The following CALCB variants were observed in gnomAD, a reference collection of about 807,000 sequenced individuals.
The protein encoded by CALCB is calcitonin related polypeptide beta.
A neutral mutation model predicts 10.7 loss-of-function variants in CALCB; 8 were observed. That is an observed-to-expected ratio of 0.75 (90% CI 0.44 to 1.34). The LOEUF (loss-of-function observed/expected upper bound fraction) is 1.34, where lower values mean the gene tolerates loss of function less well. Among genes scored for constraint, CALCB ranks in the 40% most tolerant of loss-of-function variants. The pLI, the probability that CALCB is intolerant of heterozygous loss-of-function variation, is 0.01. For synonymous variants in CALCB, 76 were observed against 66.9 expected (o/e 1.14, Z -0.66); for missense variants, 176 against 162.5 (o/e 1.08, Z -0.45).
In CALCB at chr11:15,078,488, A is replaced by G. The variant is rs960473219; in HGVS notation, c.*431A>G. On this transcript the variant is annotated 3_prime_UTR_variant, in exon 5 of 5. Coordinates refer to ENST00000324229, the MANE Select transcript of CALCB (RefSeq NM_000728.4). ...GTATAATTTGTTTAAGAAAATGTCA[A>G]TATTGTGCCATTTGTGAACTTCATC... 1.3e-5 allele frequency: 2 copies of G among 152,192 alleles called. No homozygotes were observed. Among genetic ancestry groups the G allele is most frequent in the African/African-American group, 2.4e-5 (1 of 41,436 alleles). The allele number at this position is 152,192 out of a possible 1,614,324, so 9.4% of individuals were successfully genotyped here.
At position 15,077,402 on chromosome 11, in the gene CALCB, G is replaced by C. The variant is rs1222122862; in HGVS notation, c.341G>C (p.Gly114Ala). The C allele has an allele frequency of 1.9e-6, 3 of 1,614,250 alleles. No individual in the cohort carries two copies. ...AGCAACTTCGTGCCCACCAATGTGG[G>C]TTCCAAAGCCTTTGGCAGGCGCCGC... ...VKSNFVPTNV[G>A]SKAFGRRRRD... The change falls in exon 4 of 5, where the codon GGT becomes GCT. Residue 114 changes from glycine (G) to alanine (A), a missense_variant. By Grantham distance (60) the Gly-to-Ala change is moderately conservative. Coordinates refer to ENST00000324229, the MANE Select transcript of CALCB (RefSeq NM_000728.4).
intron 4 of CALCB, 123 bp downstream of exon 4, chr11:15,077,593 G>C: frequency 2.1e-6 from 2 of 944,938 alleles, no homozygotes; most frequent in South Asian, 3.5e-5. Flanking sequence ...TGTTCCTCCT[G>C]AGGCAGTGAG....
rs114758332 is a variant in CALCB at position 15,076,577 on chromosome 11, A to G, written c.225-709A>G. 4.4e-3 allele frequency among the ~76,000 whole-genome samples: 666 copies of G among 152,368 alleles called. 3 individuals are homozygous for G. The highest frequency in any genetic ancestry group is 0.015 in the African/African-American group (626 of 41,588). On this transcript the variant is annotated intron_variant, in intron 3 of 4. Coordinates refer to ENST00000324229, the MANE Select transcript of CALCB (RefSeq NM_000728.4). ...AATAAGGGAAGCTTCTTGAGACTGT[A>G]GAGGGTGTTATGACAGAGGCATCCA...
intron 4 of CALCB, 115 bp downstream of exon 4, chr11:15,077,585 T>C (rs1296661414): frequency 9.4e-7 from 1 of 1,061,168 alleles, no homozygotes; most frequent in Non-Finnish European, 1.3e-6. Flanking sequence ...AGTTACATTG[T>C]TCCTCCTGAG....
In CALCB at chr11:15,074,816, T is replaced by G; in HGVS notation, c.86+12T>G. 6.2e-7 allele frequency: 1 copy of G among 1,609,694 alleles called. No individual in the cohort carries two copies. Among genetic ancestry groups the G allele is most frequent in the Non-Finnish European group, 8.5e-7 (1 of 1,177,682 alleles). ...GCGGCGCCATTCAGGTGAGACAGCC[T>G]GGAGCCAGAGGCGCCTTCTGCTCCC... On this transcript the variant is annotated intron_variant, in intron 2 of 4. Transcript: ENST00000324229.
Position 15,077,385 on chromosome 11 carries a change from C to T in CALCB, c.324C>T (p.Phe108=), listed in dbSNP as rs145827382. 3.0e-5 allele frequency: 48 copies of T among 1,614,096 alleles called. No individual in the cohort carries two copies. The African/African-American group carries it at 3.5e-4, about 12-fold the overall frequency. Residue 108 remains phenylalanine (F), a synonymous_variant, in exon 4 of 5, where the codon TTC becomes TTT. Coordinates refer to ENST00000324229, the MANE Select transcript of CALCB (RefSeq NM_000728.4). ...CAGGGGGCATGGTGAAGAGCAACTT[C>T]GTGCCCACCAATGTGGGTTCCAAAG... ...SRSGGMVKSN[F]VPTNVGSKAF... is the part of the protein sequence containing the mutation.
rs779579930 is a variant in CALCB at position 15,077,283 on chromosome 11, C to T, written c.225-3C>T. On this transcript the variant is annotated splice_region_variant and splice_polypyrimidine_tract_variant and intron_variant, in intron 3 of 4. Coordinates refer to ENST00000324229, the MANE Select transcript of CALCB (RefSeq NM_000728.4). ...TCTCTTCTTTCTCTATCTTGCAAAT[C>T]AGCTCCGCTGCCCAGAAGAGAGCCT... The T allele has an allele frequency of 1.7e-5, 27 of 1,613,002 alleles. 1 individual carries two copies. The Admixed American group carries it at 4.0e-4, about 24-fold the overall frequency.
chr11:15,077,493 A>T, intron 4 of CALCB, 23 bp downstream of exon 4: 2 of 1,607,758 alleles, frequency 1.2e-6, no homozygotes, highest in South Asian at 1.1e-5. Flanking sequence ...ATGCTATGGG[A>T]TAAGAGGGGG....
rs1017048221 is a variant in CALCB at position 15,077,581 on chromosome 11, A to C, written c.*25+111A>C. 5 of 1,096,846 alleles carry C rather than the reference A, an allele frequency of 4.6e-6. No homozygotes were observed. The African/African-American group carries it at 7.9e-5, about 17-fold the overall frequency. 67.9% of individuals were successfully genotyped at this position (1,096,846 alleles called of 1,614,324 possible). On this transcript the variant is annotated intron_variant, in intron 4 of 4. Coordinates refer to ENST00000324229, the MANE Select transcript of CALCB (RefSeq NM_000728.4). The stretch of plus-strand genomic sequence containing the variant: ...CTTTAGGTTCCTTCTGTCCAGTTAC[A>C]TTGTTCCTCCTGAGGCAGTGAGTTC...
At chr11:15,074,987 A>G (rs1850379953) in intron 2 of CALCB, 74 bp from the exon 3 acceptor site, 3 of 1,575,268 alleles carry the variant, frequency 1.9e-6, no homozygotes, top group Admixed American at 1.7e-5. Context: ...AGAGACCAGG[A>G]AGCCTGGCTG....
At chr11:15,077,062 C>T (rs573129460) in intron 3 of CALCB, among the ~76,000 whole-genome samples, 3 of 152,114 alleles carry the variant, frequency 2.0e-5, no homozygotes, top group Admixed American at 6.6e-5. Context: ...GCCTGTGCCC[C>T]GTGGCTTGGA....
rs1011818986 is a variant in CALCB at position 15,078,412 on chromosome 11, G to A, written c.*355G>A. On this transcript the variant is annotated 3_prime_UTR_variant, in exon 5 of 5. Coordinates refer to ENST00000324229, the MANE Select transcript of CALCB (RefSeq NM_000728.4). The stretch of plus-strand genomic sequence containing the variant: ...GAAATCACTGCCTGTTGTGGTCTCC[G>A]AGGACACATGGTAATGGTGATGCTG... 5 of 152,176 alleles carry A rather than the reference G, an allele frequency of 3.3e-5. No individual in the cohort carries two copies. The highest frequency in any genetic ancestry group is 6.5e-5 in the Admixed American group (1 of 15,274). The allele number at this position is 152,176 out of a possible 1,614,324, so 9.4% of individuals were successfully genotyped here.
In CALCB at chr11:15,077,447, C is replaced by A. The variant is rs757325392; in HGVS notation, c.*2C>A. ...CGCCGCAGGGACCTTCAAGCCTGAG[C>A]AGATGAATGACTCCAGGAAGAAGGT... is the stretch of plus-strand genomic sequence containing the variant. On this transcript the variant is annotated 3_prime_UTR_variant, in exon 4 of 5. Coordinates refer to ENST00000324229, the MANE Select transcript of CALCB (RefSeq NM_000728.4). The A allele has an allele frequency of 9.3e-6, 15 of 1,613,982 alleles. No homozygotes were observed. Among genetic ancestry groups the A allele is most frequent in the Non-Finnish European group, 1.3e-5 (15 of 1,180,030 alleles).
rs1160445504 is a variant in CALCB, at chr11:15,073,607, T to A, written c.-66T>A. The A allele has an allele frequency of 2.0e-5, 3 of 152,154 alleles. No homozygotes were observed. The highest frequency in any genetic ancestry group is 6.5e-5 in the Admixed American group (1 of 15,286). The allele number at this position is 152,154 out of a possible 1,614,324, so 9.4% of individuals were successfully genotyped here. A position where few individuals can be genotyped will look rare whatever the true frequency, so the allele number is the denominator to read the frequency against. On this transcript the variant is annotated 5_prime_UTR_variant, in exon 1 of 5. Coordinates refer to ENST00000324229, the MANE Select transcript of CALCB (RefSeq NM_000728.4). The stretch of plus-strand genomic sequence containing the variant: ...GCGGGGAAGGCGCCCACAGCAGGTG[T>A]GGTGTTCATCCCGGGTCGACCGGCC...
rs758014770 is a variant in CALCB, at chr11:15,077,274, C to G, written c.225-12C>G. ...CACAGGTCTTCTCTTCTTTCTCTAT[C>G]TTGCAAATCAGCTCCGCTGCCCAGA... On this transcript the variant is annotated splice_polypyrimidine_tract_variant and intron_variant, in intron 3 of 4. Transcript: ENST00000324229. 2 of 1,612,612 alleles carry G rather than the reference C, an allele frequency of 1.2e-6. No homozygotes were observed. The highest frequency in any genetic ancestry group is 8.5e-7 in the Non-Finnish European group (1 of 1,179,470).
chr11:15,078,120 C>CT lies in CALCB; in HGVS notation c.*64dup, dbSNP rs2133642660. The CT allele has an allele frequency of 6.6e-6, 1 of 151,982 alleles. No homozygotes were observed. Among genetic ancestry groups the CT allele is most frequent in the South Asian group, 2.1e-4 (1 of 4,816 alleles). 9.4% of individuals were successfully genotyped at this position (151,982 alleles called of 1,614,324 possible). A position where few individuals can be genotyped will look rare whatever the true frequency, so the allele number is the denominator to read the frequency against. On this transcript the variant is annotated 3_prime_UTR_variant, in exon 5 of 5. Coordinates refer to ENST00000324229, the MANE Select transcript of CALCB (RefSeq NM_000728.4). ...CTGAACTCACCATTTCTATTAATTT[C>CT]TGTTGGTAAGAACTTGGTGAGAATG...
rs1184426311 is a variant in CALCB, at chr11:15,078,634, A to C, written c.*577A>C. ...TAATAATAAATATTTTTGAGTGCTT[A>C]CTATGTATGGGCCAGATATTATTTT... On this transcript the variant is annotated 3_prime_UTR_variant, in exon 5 of 5. Coordinates refer to ENST00000324229, the MANE Select transcript of CALCB (RefSeq NM_000728.4). 6.6e-6 allele frequency: 1 copy of C among 152,218 alleles called. No individual in the cohort carries two copies. The highest frequency in any genetic ancestry group is 1.5e-5 in the Non-Finnish European group (1 of 68,040). 9.4% of individuals were successfully genotyped at this position (152,218 alleles called of 1,614,324 possible).
At chr11:15,077,746 A>G (rs1850409142) in intron 4 of CALCB, among the ~76,000 whole-genome samples, 1 of 152,228 alleles carries the variant, frequency 6.6e-6, no homozygotes, top group South Asian at 2.1e-4. Flanking sequence ...GCCAGTCTTC[A>G]TTCATTAGGC....
chr11:15,077,067 C>T (rs1850402095), intron 3 of CALCB, among the ~76,000 whole-genome samples: 1 of 152,130 alleles, frequency 6.6e-6, no homozygotes, highest in African/African-American at 2.4e-5. Flanking sequence ...TGCCCCGTGG[C>T]TTGGAATTGT....
Sources: allele counts gnomAD v4.1 joint callset (sites outside exome capture counted in the v4.1 genomes callset), GRCh38; gene constraint gnomAD v4.1.1; transcripts MANE v1.5; gene names NCBI Gene and HGNC (gene_info 2026-07-23, HGNC 2026-07-21).